RAD18: variants seen among roughly 807,000 people sequenced by gnomAD.
The protein encoded by RAD18 is RAD18 E3 ubiquitin protein ligase, also known as E3 ubiquitin-protein ligase RAD18.
A neutral mutation model predicts 60.4 loss-of-function variants in RAD18; 47 were observed. That is an observed-to-expected ratio of 0.78 (90% CI 0.62 to 0.99). RAD18 has a LOEUF of 0.99. Among genes scored for constraint, RAD18 ranks in the 50% least tolerant of loss-of-function variants. The pLI is 0.00. For synonymous variants in RAD18, 225 were observed against 195.5 expected, an observed-to-expected ratio of 1.15 and a Z score of -1.26; for missense variants, 640 against 593.3, an observed-to-expected ratio of 1.08 and a Z score of -0.82.
At chr3:8,947,986 TC>T (rs964088808) in intron 3 of RAD18, among the ~76,000 whole-genome samples, 1 of 152,220 alleles carries the variant, frequency 6.6e-6, no homozygotes, top group Non-Finnish European at 1.5e-5. Flanking sequence ...CTTTCTTTAT[TC>T]CCACTTATGT....
intron 7 of RAD18, among the ~76,000 whole-genome samples, chr3:8,924,769 C>G: frequency 6.8e-6 from 1 of 146,022 alleles, no homozygotes; most frequent in Non-Finnish European, 1.5e-5. Context: ...CTCAAAACCG[C>G]TCAACTACAT....
intron 12 of RAD18, among the ~76,000 whole-genome samples, chr3:8,888,442 C>A (rs577035993): frequency 1.3e-5 from 2 of 152,198 alleles, no homozygotes; most frequent in Non-Finnish European, 2.9e-5. Flanking sequence ...TGTGTCGGAA[C>A]TGATATGGTA....
rs527395825 is a variant in RAD18 at position 8,934,875 on chromosome 3, T to C, written c.889+996A>G. On this transcript the variant is annotated intron_variant, in intron 7 of 12. Coordinates refer to ENST00000264926, the MANE Select transcript of RAD18 (RefSeq NM_020165.4). ...TACGTTTATACAATGGAATACCATA[T>C]AGCAACAAAAATGAAAAAAACATGA... is the stretch of plus-strand genomic sequence containing the variant. Among the ~76,000 whole-genome samples the C allele has an allele frequency of 4.9e-4, 74 of 152,176 alleles. 2 individuals carry two copies. In the South Asian group the frequency reaches 6.2e-3, roughly 13 times the overall value.
chr3:8,918,037 G>A (rs904146892), intron 7 of RAD18, among the ~76,000 whole-genome samples: 2 of 152,206 alleles, frequency 1.3e-5, no homozygotes, highest in Admixed American at 6.5e-5. Context: ...GAAATTAGGG[G>A]CCGGGCGCAG....
At chr3:8,918,017 G>T (rs933143645) in intron 7 of RAD18, among the ~76,000 whole-genome samples, 1 of 152,154 alleles carries the variant, frequency 6.6e-6, no homozygotes, top group Non-Finnish European at 1.5e-5. Flanking sequence ...TGTTATCAGG[G>T]ATAAAGAGTG....
chr3:8,889,423 G>A (rs1939641938), intron 12 of RAD18, among the ~76,000 whole-genome samples: 1 of 152,196 alleles, frequency 6.6e-6, no homozygotes, highest in African/African-American at 2.4e-5. Flanking sequence ...TGTTGACAGT[G>A]GGGTTAAAAT....
At chr3:8,926,441 T>C (rs1278006926) in intron 7 of RAD18, among the ~76,000 whole-genome samples, 8 of 152,188 alleles carry the variant, frequency 5.3e-5, no homozygotes, top group African/African-American at 7.2e-5. Context: ...ATTCCATGCT[T>C]ATGGGTAGGA....
At chr3:8,942,518 C>T (rs1038592499) in intron 4 of RAD18, among the ~76,000 whole-genome samples, 1 of 152,166 alleles carries the variant, frequency 6.6e-6, no homozygotes, top group Non-Finnish European at 1.5e-5. Context: ...TAAAAAACAA[C>T]TCTTTGTAGG....
chr3:8,948,394 T>C (rs946946324), intron 3 of RAD18, 115 bp downstream of exon 3: 3 of 823,386 alleles, frequency 3.6e-6, no homozygotes, highest in African/African-American at 3.5e-5. Context: ...GTCTTTCATA[T>C]AGCTTAATTC....
At chr3:8,949,626 A>G (rs1448220823) in intron 2 of RAD18, among the ~76,000 whole-genome samples, 4 of 152,170 alleles carry the variant, frequency 2.6e-5, no homozygotes, top group African/African-American at 7.2e-5. Context: ...GATCCAGCAG[A>G]AAAGCAGGGT....
intron 7 of RAD18, among the ~76,000 whole-genome samples, chr3:8,916,616 G>A (rs1446233944): frequency 6.6e-6 from 1 of 151,978 alleles, no homozygotes; most frequent in Non-Finnish European, 1.5e-5. Flanking sequence ...TGAACAGATG[G>A]GGCATTTCTG....
At chr3:8,890,606 G>A (rs1939667724) in intron 11 of RAD18, among the ~76,000 whole-genome samples, 155 bp from the exon 12 acceptor site, 1 of 152,286 alleles carries the variant, frequency 6.6e-6, no homozygotes, top group Admixed American at 6.5e-5. Flanking sequence ...GGGTGGGCAA[G>A]GAAAGAGAGA....
At chr3:8,956,974 T>C (rs1049861343) in intron 2 of RAD18, among the ~76,000 whole-genome samples, 4 of 151,982 alleles carry the variant, frequency 2.6e-5, no homozygotes, top group Non-Finnish European at 4.4e-5. Flanking sequence ...AAAAGAAACA[T>C]AAAGGCATAT....
chr3:8,882,394 T>C (rs576796751), intron 12 of RAD18, among the ~76,000 whole-genome samples: 1 of 152,188 alleles, frequency 6.6e-6, no homozygotes, highest in African/African-American at 2.4e-5. Context: ...CAGTAAATCA[T>C]CTCCAGCTGA....
chr3:8,957,986 T>C (rs1941038852), intron 2 of RAD18, among the ~76,000 whole-genome samples: 1 of 152,260 alleles, frequency 6.6e-6, no homozygotes, highest in African/African-American at 2.4e-5. Context: ...TCTTGGTTTT[T>C]AATGTGAATC....
In RAD18 at chr3:8,912,383, CA is replaced by C. The variant is rs778461934; in HGVS notation, c.967-12del. 6.0e-6 allele frequency: 9 copies of C among 1,504,626 alleles called. No homozygotes were observed. Among genetic ancestry groups the C allele is most frequent in the Admixed American group, 4.6e-5 (2 of 43,530 alleles). The allele number at this position is 1,504,626 out of a possible 1,614,324, so 93.2% of individuals were successfully genotyped here. ...TGTAAAAACCATTACCTAAAATAAT[CA>C]AAAAAAGACCTTAATAAAAATCTCC... On this transcript the variant is annotated splice_polypyrimidine_tract_variant and intron_variant, in intron 8 of 12. Coordinates refer to ENST00000264926, the MANE Select transcript of RAD18 (RefSeq NM_020165.4).
intron 2 of RAD18, among the ~76,000 whole-genome samples, chr3:8,949,501 T>C (rs1004197261): frequency 1.3e-5 from 2 of 152,102 alleles, no homozygotes; most frequent in Non-Finnish European, 2.9e-5. Flanking sequence ...TGAGTTCTTT[T>C]AGGAAGCAAA....
At chr3:8,933,768 T>C (rs1175151216) in intron 7 of RAD18, among the ~76,000 whole-genome samples, 1 of 152,146 alleles carries the variant, frequency 6.6e-6, no homozygotes, top group Non-Finnish European at 1.5e-5. Flanking sequence ...TATCTCAAAA[T>C]TGATCTATAA....
chr3:8,910,615 G>C (rs1018686611), intron 9 of RAD18, among the ~76,000 whole-genome samples: 1 of 149,460 alleles, frequency 6.7e-6, no homozygotes, highest in Non-Finnish European at 1.5e-5. Flanking sequence ...AAAAAAAAAA[G>C]AACAACAGAA....
Sources: allele counts gnomAD v4.1 joint callset (sites outside exome capture counted in the v4.1 genomes callset), GRCh38; gene constraint gnomAD v4.1.1; transcripts MANE v1.5; gene names NCBI Gene and HGNC (gene_info 2026-07-23, HGNC 2026-07-21).